The following NT5DC1 variants were observed in gnomAD, a reference collection of about 807,000 sequenced individuals.
NT5DC1 encodes 5'-nucleotidase domain-containing protein 1.
NT5DC1 carries 42 observed loss-of-function variants against 59.4 expected under a neutral mutation model. That is an observed-to-expected ratio of 0.71 (90% CI 0.55 to 0.92). The LOEUF is 0.92. Among genes scored for constraint, NT5DC1 ranks in the 40% least tolerant of loss-of-function variants. NT5DC1 has a pLI of 0.00. For synonymous variants in NT5DC1, 172 were observed against 188.1 expected, an observed-to-expected ratio of 0.91 and a Z score of 0.70; for missense variants, 501 against 537.1, an observed-to-expected ratio of 0.93 and a Z score of 0.66.
intron 6 of NT5DC1, among the ~76,000 whole-genome samples, chr6:116,191,988 A>G (rs1781128537): frequency 6.6e-6 from 1 of 152,054 alleles, no homozygotes; most frequent in South Asian, 2.1e-4. Flanking sequence ...ATTACGAGCA[A>G]ACATGAGGAT....
At position 116,148,338 on chromosome 6, in the gene NT5DC1, A is replaced by C. The variant is rs182243776; in HGVS notation, c.529+30393A>C. 2.8e-3 allele frequency among the ~76,000 whole-genome samples: 428 copies of C among 152,346 alleles called. 2 individuals are homozygous for C. Among genetic ancestry groups the C allele is most frequent in the African/African-American group, 0.01 (416 of 41,580 alleles). Reference sequence around the variant, plus strand: ...TTTTAAAAATCCTTACAAAAAGACAAAAAGCAAAATAGAAAATATTGTAGC... The same window carrying C: ...TTTTAAAAATCCTTACAAAAAGACACAAAGCAAAATAGAAAATATTGTAGC... On this transcript the variant is annotated intron_variant, in intron 6 of 11. Transcript: ENST00000319550.
intron 6 of NT5DC1, among the ~76,000 whole-genome samples, chr6:116,132,793 T>C (rs1490457963): frequency 6.6e-6 from 1 of 152,138 alleles, no homozygotes; most frequent in Non-Finnish European, 1.5e-5. Flanking sequence ...AGGGTAGAAA[T>C]GGGAAAAGTG....
intron 6 of NT5DC1, among the ~76,000 whole-genome samples, chr6:116,172,314 TAA>T (rs1435063439): frequency 7.1e-6 from 1 of 140,064 alleles, no homozygotes; most frequent in Non-Finnish European, 1.5e-5. Flanking sequence ...AACCCCTTAG[TAA>T]CTTTTTTTTT....
chr6:116,133,215 C>T (rs1490459439), intron 6 of NT5DC1, among the ~76,000 whole-genome samples: 2 of 152,266 alleles, frequency 1.3e-5, no homozygotes, highest in East Asian at 3.9e-4. Context: ...AATGTCTTGG[C>T]CCCTTGACCT....
chr6:116,120,808 A>G, intron 6 of NT5DC1: 1 of 1,612,674 alleles, frequency 6.2e-7, no homozygotes, highest in East Asian at 2.2e-5. Context: ...CAGCCTCTCC[A>G]TTGTGTCCGG....
intron 11 of NT5DC1, among the ~76,000 whole-genome samples, chr6:116,241,678 C>T (rs1319102692): frequency 6.6e-6 from 1 of 152,170 alleles, no homozygotes; most frequent in Non-Finnish European, 1.5e-5. Context: ...AATCCCAGCA[C>T]TTTGGGAGGC....
intron 2 of NT5DC1, among the ~76,000 whole-genome samples, chr6:116,107,681 T>C (rs1440292044): frequency 6.6e-6 from 1 of 151,756 alleles, no homozygotes; most frequent in African/African-American, 2.4e-5. Flanking sequence ...CATGCCATTC[T>C]CCTGCCTCAG....
intron 4 of NT5DC1, 33 bp downstream of exon 4, chr6:116,110,989 C>T (rs1420168335): frequency 1.4e-6 from 2 of 1,395,206 alleles, no homozygotes; most frequent in South Asian, 1.2e-5. Context: ...CCACCATCCG[C>T]TCCCTGTTTG....
At chr6:116,106,554 ATAAGC>A (rs1778772412) in intron 2 of NT5DC1, among the ~76,000 whole-genome samples, 4 of 152,238 alleles carry the variant, frequency 2.6e-5, no homozygotes, top group Non-Finnish European at 5.9e-5. Flanking sequence ...AAATGTGAAA[ATAAGC>A]TAAGAGTTTA....
At chr6:116,118,081 G>T in intron 6 of NT5DC1, 136 bp downstream of exon 6, 2 of 679,488 alleles carry the variant, frequency 2.9e-6, no homozygotes, top group East Asian at 2.8e-5. Flanking sequence ...TTATAAAGTT[G>T]GTTCTGACTA....
At chr6:116,208,423 T>C (rs1292195068) in intron 6 of NT5DC1, among the ~76,000 whole-genome samples, 1 of 152,024 alleles carries the variant, frequency 6.6e-6, no homozygotes, top group Non-Finnish European at 1.5e-5. Context: ...ACAGTGTATC[T>C]CTTTGAAGCT....
chr6:116,243,050 G>A (rs111695898), intron 11 of NT5DC1, among the ~76,000 whole-genome samples: 3,849 of 152,240 alleles, frequency 0.025, 60 homozygotes, highest in Non-Finnish European at 0.037. Flanking sequence ...TAGCTCTCTG[G>A]TGACACTTCA....
At position 116,238,280 on chromosome 6, in the gene NT5DC1, G is replaced by C. The variant is rs1253697804; in HGVS notation, c.1015G>C (p.Gly339Arg). 6.2e-7 allele frequency: 1 copy of C among 1,613,322 alleles called. No homozygotes were observed. Among genetic ancestry groups the C allele is most frequent in the Non-Finnish European group, 8.5e-7 (1 of 1,179,566 alleles). ...AGTCCTCATCCTGGAAGAACTCAGA[G>C]GGGATGAAGGCACGAGGAGTCAGAG... ...ETVLILEELR[G>R]DEGTRSQRPE... Residue 339 changes from glycine to arginine, a missense_variant, in exon 10 of 12, where the codon GGG (glycine) becomes CGG (arginine). Gly to Arg is a moderately radical substitution (Grantham distance 125). Transcript: ENST00000319550.
At chr6:116,159,903 A>G (rs1036292769) in intron 6 of NT5DC1, among the ~76,000 whole-genome samples, 1 of 152,156 alleles carries the variant, frequency 6.6e-6, no homozygotes, top group Non-Finnish European at 1.5e-5. Context: ...ACTTAAGATC[A>G]TGGCCTCCAG....
At position 116,236,967 on chromosome 6, in the gene NT5DC1, G is replaced by A. The variant is rs763823689; in HGVS notation, c.804G>A (p.Glu268=). ...LPSQRPFRTL[E]NDEEQEALPS... ...ATGATTGTCAAACTGTATTTTCAGA[G>A]AATGATGAGGAGCAGGAGGCACTGC... Residue 268 remains glutamate (E), a splice_region_variant and synonymous_variant, in exon 9 of 12, where the codon GAG becomes GAA. Transcript: ENST00000319550. The A allele has an allele frequency of 1.0e-5, 16 of 1,579,008 alleles. No individual in the cohort carries two copies. Among genetic ancestry groups the A allele is most frequent in the Non-Finnish European group, 1.4e-5 (16 of 1,148,604 alleles).
At chr6:116,139,970 A>AAAACACCT (rs1779723519) in intron 6 of NT5DC1, among the ~76,000 whole-genome samples, 1 of 152,066 alleles carries the variant, frequency 6.6e-6, no homozygotes, top group Non-Finnish European at 1.5e-5. Flanking sequence ...TCCATGTGTC[A>AAAACACCT]GGTGTTTTGC....
At chr6:116,173,027 G>T (rs1281922714) in intron 6 of NT5DC1, among the ~76,000 whole-genome samples, 1 of 152,108 alleles carries the variant, frequency 6.6e-6, no homozygotes, top group South Asian at 2.1e-4. Flanking sequence ...ACAATTCACA[G>T]ATATTATTTT....
chr6:116,185,988 G>T (rs1780987891), intron 6 of NT5DC1, among the ~76,000 whole-genome samples: 1 of 151,956 alleles, frequency 6.6e-6, no homozygotes, highest in African/African-American at 2.4e-5. Flanking sequence ...CTTTAAGGAG[G>T]TTCTATTTTG....
intron 6 of NT5DC1, among the ~76,000 whole-genome samples, chr6:116,149,612 A>G (rs1361407402): frequency 6.6e-6 from 1 of 152,214 alleles, no homozygotes; most frequent in Non-Finnish European, 1.5e-5. Flanking sequence ...TCTAGACTTT[A>G]TTGGAGAAAT....
Sources: gnomAD v4.1 joint callset for allele counts (sites outside exome capture counted in the v4.1 genomes callset) on GRCh38, gnomAD v4.1.1 for gene constraint, MANE v1.5 for transcripts, NCBI Gene and HGNC (gene_info 2026-07-23, HGNC 2026-07-21) for gene names.